Variants in FBXL18 observed in about 807,000 individuals in gnomAD.
The protein encoded by FBXL18 is F-box and leucine rich repeat protein 18.
FBXL18 carries 36 observed loss-of-function variants against 46.0 expected under a neutral mutation model. That is an observed-to-expected ratio of 0.78 (90% CI 0.60 to 1.03). The LOEUF (loss-of-function observed/expected upper bound fraction) is 1.03. FBXL18 is among the 50% of genes least tolerant of loss of function. FBXL18 has a pLI of 0.00. For synonymous variants in FBXL18, 557 were observed against 465.3 expected, an observed-to-expected ratio of 1.20 and a Z score of -2.54; for missense variants, 977 against 1,004.1, an observed-to-expected ratio of 0.97 and a Z score of 0.36.
intron 3 of FBXL18, among the ~76,000 whole-genome samples, chr7:5,498,333 G>A (rs993998568): frequency 9.2e-5 from 14 of 152,108 alleles, no homozygotes; most frequent in African/African-American, 2.9e-4. Flanking sequence ...TGATCCACCC[G>A]CCTCGGCCTC....
intron 4 of FBXL18, among the ~76,000 whole-genome samples, chr7:5,467,116 C>T (rs908430780): frequency 5.9e-5 from 9 of 152,214 alleles, no homozygotes; most frequent in Middle Eastern, 6.8e-3. Context: ...CTTTGGGAGG[C>T]GAAGGCGGGC....
rs540515236 is a variant in FBXL18 at position 5,501,965 on chromosome 7, C to A, written c.304G>T (p.Ala102Ser). 6.2e-7 allele frequency: 1 copy of A among 1,607,572 alleles called. No homozygotes were observed. The highest frequency in any genetic ancestry group is 2.2e-5 in the East Asian group (1 of 44,702). ...GAGCCAGGCAGCCAGTAGCAGCCAG[C>A]CATGCTCAGCTGCTGGATCTCCCGG... ...IGREIQQLSM[A>S]GCYWLPGSTV... The change falls in exon 3 of 5, where the codon GCT (alanine) becomes TCT (serine). Residue 102 changes from alanine (A) to serine (S), a missense_variant. Physicochemically the swap from Ala to Ser is moderately conservative, Grantham distance 99. Transcript: ENST00000382368.
chr7:5,459,057 G>C (rs976211238), intron 4 of FBXL18, among the ~76,000 whole-genome samples: 6 of 152,172 alleles, frequency 3.9e-5, no homozygotes, highest in Non-Finnish European at 7.3e-5. Context: ...GGAAGCTGAG[G>C]GTAGAGGACT....
chr7:5,462,995 T>TAA (rs112642149), intron 4 of FBXL18, among the ~76,000 whole-genome samples: 2,198 of 31,764 alleles, frequency 0.069, 234 homozygotes, highest in African/African-American at 0.18. Flanking sequence ...TATATATATA[T>TAA]AATATATATA....
At chr7:5,493,655 TTGTG>T (rs150913470) in intron 3 of FBXL18, among the ~76,000 whole-genome samples, 9 of 144,924 alleles carry the variant, frequency 6.2e-5, no homozygotes, top group East Asian at 2.1e-4. Flanking sequence ...TTATTTACTT[TTGTG>T]TGTGTGTGCG....
At chr7:5,463,789 T>A (rs1783301119) in intron 4 of FBXL18, among the ~76,000 whole-genome samples, 1 of 142,356 alleles carries the variant, frequency 7.0e-6, no homozygotes, top group Non-Finnish European at 1.5e-5. Flanking sequence ...CGCCCAGGCT[T>A]GAGTGCAGTA....
In FBXL18 at chr7:5,501,147, G is replaced by C; in HGVS notation, c.1122C>G (p.Ile374Met). ...AGCAGGACGCCACCAGAGTCTCCAG[G>C]ATGCTGCTGTCGATGTCGTCCTCCG... ...RKAEDDIDSS[I>M]LETLVASCCN... The change falls in exon 3 of 5, where the codon ATC becomes ATG. Residue 374 changes from isoleucine to methionine, a missense_variant. Transcript: ENST00000382368. 6.2e-7 allele frequency: 1 copy of C among 1,613,210 alleles called. No homozygotes were observed. The highest frequency in any genetic ancestry group is 8.5e-7 in the Non-Finnish European group (1 of 1,179,896).
At chr7:5,463,693 A>ACT (rs1222031220) in intron 4 of FBXL18, among the ~76,000 whole-genome samples, 14 of 43,662 alleles carry the variant, frequency 3.2e-4, no homozygotes, top group Middle Eastern at 0.015. Flanking sequence ...ATGCCCCTGA[A>ACT]CTATATATAT....
In FBXL18 at chr7:5,507,922, T is replaced by G. The variant is rs529780591; in HGVS notation, c.19-2292A>C. ...AGGCTGAGGAGGGCAGATCACGAGG[T>G]CAGTTCTCGAGACCAGCCTGGCCAA... On this transcript the variant is annotated intron_variant, in intron 1 of 4. Coordinates refer to ENST00000382368, the MANE Select transcript of FBXL18 (RefSeq NM_024963.6). Among the ~76,000 whole-genome samples the G allele has an allele frequency of 2.0e-5, 3 of 148,442 alleles. No homozygotes were observed. In the East Asian group the frequency reaches 6.2e-4, roughly 31 times the overall value.
At chr7:5,459,267 C>G (rs1783211927) in intron 4 of FBXL18, among the ~76,000 whole-genome samples, 1 of 152,196 alleles carries the variant, frequency 6.6e-6, no homozygotes, top group African/African-American at 2.4e-5. Context: ...GACCACAGGG[C>G]CCTGGCCTTG....
Position 5,513,699 on chromosome 7 carries a change from C to A in FBXL18, c.-25G>T, listed in dbSNP as rs781474003. 6.3e-7 allele frequency: 1 copy of A among 1,596,304 alleles called. No individual in the cohort carries two copies. The highest frequency in any genetic ancestry group is 1.7e-5 in the Admixed American group (1 of 57,684). On this transcript the variant is annotated 5_prime_UTR_variant, in exon 1 of 5. Coordinates refer to ENST00000382368, the MANE Select transcript of FBXL18 (RefSeq NM_024963.6). ...TGTCGCCGGCGGGTCCGAACCGCGG[C>A]CGCGGGATCCGCAACCCCGTGCCTC...
At chr7:5,508,452 A>G (rs1784448436) in intron 1 of FBXL18, among the ~76,000 whole-genome samples, 1 of 151,082 alleles carries the variant, frequency 6.6e-6, no homozygotes, top group South Asian at 2.1e-4. Context: ...AAAAAAAAAA[A>G]AAAAAAATTA....
intron 4 of FBXL18, among the ~76,000 whole-genome samples, chr7:5,484,234 A>G (rs916291543): frequency 2.2e-4 from 34 of 152,096 alleles, no homozygotes; most frequent in South Asian, 4.1e-4. Context: ...TTGGGAGGCC[A>G]AGGCGGGTGG....
chr7:5,459,695 G>T (rs1255965524), intron 4 of FBXL18, among the ~76,000 whole-genome samples: 1 of 150,424 alleles, frequency 6.6e-6, no homozygotes, highest in East Asian at 2.0e-4. Context: ...AGCAGAGATT[G>T]TGCCACTGCA....
intron 4 of FBXL18, among the ~76,000 whole-genome samples, chr7:5,461,485 C>G (rs188414602): frequency 2.8e-3 from 424 of 152,296 alleles, no homozygotes; most frequent in Admixed American, 5.7e-3. Flanking sequence ...GCCATCCCTA[C>G]AAATTTAAAT....
intron 1 of FBXL18, among the ~76,000 whole-genome samples, chr7:5,506,060 T>A (rs1784387391): frequency 6.6e-6 from 1 of 151,990 alleles, no homozygotes; most frequent in Non-Finnish European, 1.5e-5. Context: ...GAGACGGGGT[T>A]TCCCTATGTT....
chr7:5,507,762 A>G (rs971008949), intron 1 of FBXL18, among the ~76,000 whole-genome samples: 2 of 151,958 alleles, frequency 1.3e-5, no homozygotes, highest in Non-Finnish European at 2.9e-5. Flanking sequence ...TGAACCCCGG[A>G]GGCAGAGATT....
chr7:5,458,869 G>A (rs1384053597), intron 4 of FBXL18, among the ~76,000 whole-genome samples: 2 of 152,052 alleles, frequency 1.3e-5, no homozygotes, highest in Non-Finnish European at 2.9e-5. Flanking sequence ...AGTGTGGGCT[G>A]GATGTGGTGG....
At chr7:5,483,931 T>C (rs1783710321) in intron 4 of FBXL18, among the ~76,000 whole-genome samples, 1 of 151,896 alleles carries the variant, frequency 6.6e-6, no homozygotes, top group Non-Finnish European at 1.5e-5. Context: ...CTGCCTGAGG[T>C]GGTGCTGGAC....
Sources: gnomAD v4.1 joint callset for allele counts (sites outside exome capture counted in the v4.1 genomes callset) on GRCh38, gnomAD v4.1.1 for gene constraint, MANE v1.5 for transcripts, NCBI Gene and HGNC (gene_info 2026-07-23, HGNC 2026-07-21) for gene names.